Variants in TBC1D22B observed in about 807,000 individuals in gnomAD.
TBC1D22B encodes the protein chromosome 6 open reading frame 197.
TBC1D22B carries 32 observed loss-of-function variants against 69.1 expected under a neutral mutation model. The ratio of observed to expected loss-of-function variants is 0.46; its 90% CI spans 0.35 to 0.62. TBC1D22B has a LOEUF of 0.62. Among genes scored for constraint, TBC1D22B ranks in the 20% least tolerant of loss-of-function variants. The pLI, the probability that TBC1D22B is intolerant of heterozygous loss-of-function variation, is 0.00. For synonymous variants in TBC1D22B, 206 were observed against 229.8 expected, an observed-to-expected ratio of 0.90 and a Z score of 0.94; for missense variants, 462 against 630.9, an observed-to-expected ratio of 0.73 and a Z score of 2.87.
intron 6 of TBC1D22B, among the ~76,000 whole-genome samples, chr6:37,285,814 G>A (rs746839042): frequency 2.2e-4 from 33 of 152,242 alleles, no homozygotes; most frequent in Non-Finnish European, 3.7e-4. Context: ...TGGAGACGGG[G>A]TTTCACCATG....
chr6:37,329,582 A>T (rs1340182668), intron 12 of TBC1D22B, among the ~76,000 whole-genome samples: 1 of 152,204 alleles, frequency 6.6e-6, no homozygotes, highest in Non-Finnish European at 1.5e-5. Context: ...GATGATATAA[A>T]CTTGTCTACT....
At chr6:37,306,909 C>T (rs57379477) in intron 8 of TBC1D22B, among the ~76,000 whole-genome samples, 4,846 of 152,274 alleles carry the variant, frequency 0.032, 243 homozygotes, top group African/African-American at 0.11. Flanking sequence ...ACAGAACCAC[C>T]TCCCAGTGGG....
At chr6:37,315,176 C>A (rs578212912) in intron 10 of TBC1D22B, among the ~76,000 whole-genome samples, 2 of 152,164 alleles carry the variant, frequency 1.3e-5, no homozygotes, top group Non-Finnish European at 2.9e-5. Flanking sequence ...CTTACAAATA[C>A]GTGATACATA....
At chr6:37,331,005 C>T (rs758948397) in intron 12 of TBC1D22B, 39 bp from the exon 13 acceptor site, 68 of 1,610,578 alleles carry the variant, frequency 4.2e-5, no homozygotes, top group Non-Finnish European at 5.3e-5. Flanking sequence ...TGATGGTCTA[C>T]GGTCTGGTAT....
intron 8 of TBC1D22B, among the ~76,000 whole-genome samples, chr6:37,309,965 CATAAT>C (rs1375200187): frequency 6.9e-6 from 1 of 145,940 alleles, no homozygotes; most frequent in East Asian, 2.0e-4. Flanking sequence ...TAATATAAAA[CATAAT>C]ATAAAATATT....
Position 37,263,880 on chromosome 6 carries a change from G to A in TBC1D22B, c.57-5714G>A, listed in dbSNP as rs111503287. 3.5e-3 allele frequency among the ~76,000 whole-genome samples: 540 copies of A among 152,136 alleles called. 2 individuals carry two copies. Among genetic ancestry groups the A allele is most frequent in the African/African-American group, 0.012 (503 of 41,508 alleles). ...ATTACAGGCGTGAGCCACTATGACCGGCCTAACACTTTTTTTCTTAAATGA... is the reference window on the plus strand; with the variant it reads ...ATTACAGGCGTGAGCCACTATGACCAGCCTAACACTTTTTTTCTTAAATGA... On this transcript the variant is annotated intron_variant, in intron 1 of 12. Transcript: ENST00000373491.
chr6:37,276,903 AAT>A (rs10604640), intron 2 of TBC1D22B, among the ~76,000 whole-genome samples: 4,811 of 151,700 alleles, frequency 0.032, 236 homozygotes, highest in African/African-American at 0.11. Context: ...AACAAACAAA[AAT>A]ATATATATAT....
rs1295747718 is a variant in TBC1D22B, at chr6:37,331,164, C to T, written c.1510C>T (p.Arg504Cys). 6.2e-7 allele frequency: 1 copy of T among 1,614,096 alleles called. No individual in the cohort carries two copies. The highest frequency in any genetic ancestry group is 8.5e-7 in the Non-Finnish European group (1 of 1,179,978). Residue 504 changes from arginine (R) to cysteine (C), a missense_variant, in exon 13 of 13, where the codon CGC becomes TGC. This residue lies in a region of TBC1D22B where 225 missense variants were observed against 375.4 expected (regional missense o/e 0.60). Coordinates refer to ENST00000373491, the MANE Select transcript of TBC1D22B (RefSeq NM_017772.4). ...YMFADAPNHY[R>C]R is the part of the protein sequence containing the mutation. Reference sequence around the variant, plus strand: ...GTTTGCCGATGCCCCAAATCACTACCGCCGATAGGTGCTGTCTCCTCCGGG... The same window carrying T: ...GTTTGCCGATGCCCCAAATCACTACTGCCGATAGGTGCTGTCTCCTCCGGG...
At chr6:37,280,963 G>A (rs1345735038) in intron 3 of TBC1D22B, among the ~76,000 whole-genome samples, 10 of 152,082 alleles carry the variant, frequency 6.6e-5, no homozygotes, top group East Asian at 1.9e-4. Flanking sequence ...TAGTCCCCTC[G>A]TTACACTAGG....
chr6:37,284,526 T>G (rs1766945102), intron 6 of TBC1D22B, 62 bp downstream of exon 6: 8 of 1,494,004 alleles, frequency 5.4e-6, no homozygotes, highest in Non-Finnish European at 7.1e-6. Context: ...TGTCTCATGG[T>G]AGTGCTCTCA....
At chr6:37,301,678 C>T (rs1419599392) in intron 8 of TBC1D22B, among the ~76,000 whole-genome samples, 1 of 152,180 alleles carries the variant, frequency 6.6e-6, no homozygotes, top group Non-Finnish European at 1.5e-5. Context: ...CAGACTTCTC[C>T]CCACCCTCAC....
chr6:37,314,089 C>A (rs559287837), intron 10 of TBC1D22B, among the ~76,000 whole-genome samples, 198 bp downstream of exon 10: 1 of 152,268 alleles, frequency 6.6e-6, no homozygotes, highest in South Asian at 2.1e-4. Flanking sequence ...ATATCAAGTT[C>A]TTCTTTCCCC....
chr6:37,288,968 A>G (rs1316762946), intron 7 of TBC1D22B, among the ~76,000 whole-genome samples: 5 of 152,012 alleles, frequency 3.3e-5, no homozygotes, highest in African/African-American at 1.2e-4. Flanking sequence ...AGCTCACTGC[A>G]ACCTCTACTC....
intron 8 of TBC1D22B, chr6:37,295,730 C>A (rs1348854914): frequency 1.3e-5 from 4 of 319,010 alleles, no homozygotes; most frequent in Admixed American, 3.6e-5. Flanking sequence ...TGGTCTCTTC[C>A]CCAGCCAAAG....
Position 37,327,260 on chromosome 6 carries a change from C to CCT in TBC1D22B, c.1390-3784_1390-3783insCT, listed in dbSNP as rs1487638033. Among the ~76,000 whole-genome samples, 56 of 140,740 alleles carry CCT rather than the reference C, an allele frequency of 4.0e-4. 2 individuals are homozygous for CCT. The Middle Eastern group carries it at 0.015, about 37-fold the overall frequency. 92.3% of individuals were successfully genotyped at this position (140,740 alleles called of 152,430 possible). A position where few individuals can be genotyped will look rare whatever the true frequency, so the allele number is the denominator to read the frequency against. On this transcript the variant is annotated intron_variant, in intron 12 of 12. Transcript: ENST00000373491. Reference sequence around the variant, plus strand: ...TTGGGAGGCCGAGGCGGGCGGATCACGAGGTCAGGAGATCGAGACCATCCT... The same window carrying CCT: ...TTGGGAGGCCGAGGCGGGCGGATCACCTGAGGTCAGGAGATCGAGACCATCCT...
At chr6:37,326,703 G>A (rs577236230) in intron 12 of TBC1D22B, among the ~76,000 whole-genome samples, 2 of 152,092 alleles carry the variant, frequency 1.3e-5, no homozygotes, top group African/African-American at 4.8e-5. Context: ...CAGTAGAATT[G>A]CTTGAACCTG....
chr6:37,326,774 C>T (rs1033718785), intron 12 of TBC1D22B, among the ~76,000 whole-genome samples: 29 of 149,826 alleles, frequency 1.9e-4, no homozygotes, highest in African/African-American at 5.8e-4. Context: ...GGTGACGGAG[C>T]GAGACTACGT....
At chr6:37,309,928 A>G (rs1340020723) in intron 8 of TBC1D22B, among the ~76,000 whole-genome samples, 1 of 149,132 alleles carries the variant, frequency 6.7e-6, no homozygotes, top group Non-Finnish European at 1.5e-5. Context: ...ATTTAACTAA[A>G]TTAATTAATT....
intron 10 of TBC1D22B, among the ~76,000 whole-genome samples, chr6:37,315,032 G>A (rs902256093): frequency 6.6e-6 from 1 of 152,036 alleles, no homozygotes; most frequent in African/African-American, 2.4e-5. Context: ...TCCCTCAACC[G>A]GAGCCTAGCA....
Sources: allele counts gnomAD v4.1 joint callset (sites outside exome capture counted in the v4.1 genomes callset), GRCh38; gene constraint gnomAD v4.1.1; regional missense constraint gnomAD v4.1.1; transcripts MANE v1.5; gene names NCBI Gene and HGNC (gene_info 2026-07-23, HGNC 2026-07-21).